FAM184B: variants seen among roughly 807,000 people sequenced by gnomAD.
FAM184B encodes the protein protein FAM184B.
FAM184B carries 111 observed loss-of-function variants against 135.9 expected under a neutral mutation model. The observed-to-expected ratio is 0.82, with a 90% CI of 0.70 to 0.96. FAM184B has a LOEUF of 0.96. FAM184B is among the 40% of genes least tolerant of loss of function. The pLI is 0.00. For synonymous variants in FAM184B, 552 were observed against 524.8 expected (o/e 1.05, Z -0.71); for missense variants, 1,375 against 1,323.9 (o/e 1.04, Z -0.60).
chr4:17,712,830 G>T (rs1717311625), intron 1 of FAM184B, among the ~76,000 whole-genome samples: 1 of 152,204 alleles, frequency 6.6e-6, no homozygotes, highest in Non-Finnish European at 1.5e-5. Context: ...GGCCAATCGG[G>T]AATAGTGTAT....
At chr4:17,648,470 C>T (rs533120347) in intron 11 of FAM184B, among the ~76,000 whole-genome samples, 10 of 151,736 alleles carry the variant, frequency 6.6e-5, no homozygotes, top group South Asian at 2.1e-4. Flanking sequence ...CCTTAGCCTC[C>T]GGAGTAGCTG....
chr4:17,643,206 T>G (rs562521744), intron 12 of FAM184B, among the ~76,000 whole-genome samples: 2 of 152,260 alleles, frequency 1.3e-5, no homozygotes, highest in East Asian at 1.9e-4. Flanking sequence ...GGGAGAGATA[T>G]GAGAATTAGA....
At position 17,632,043 on chromosome 4, in the gene FAM184B, ATTTTTTTTTTTTT is replaced by A. The variant is rs199549580; in HGVS notation, c.*476_*488del. On this transcript the variant is annotated 3_prime_UTR_variant, in exon 18 of 18. Transcript: ENST00000265018. ...TTTTAATAACACTGGTTTAATGTCA[ATTTTTTTTTTTTT>A]TTTTTTTTTTTTTTTTTTTTTTTTT... The A allele has an allele frequency of 2.2e-4, 26 of 117,604 alleles. No individual in the cohort carries two copies. Among genetic ancestry groups the A allele is most frequent in the African/African-American group, 5.1e-4 (15 of 29,334 alleles). 7.3% of individuals were successfully genotyped at this position (117,604 alleles called of 1,614,324 possible). A position where few individuals can be genotyped will look rare whatever the true frequency, so the allele number is the denominator to read the frequency against.
intron 1 of FAM184B, among the ~76,000 whole-genome samples, chr4:17,758,264 T>G (rs140693775): frequency 6.6e-6 from 1 of 152,354 alleles, no homozygotes; most frequent in East Asian, 1.9e-4. Context: ...CAAGCCTCCT[T>G]AAAGAGAATT....
At chr4:17,765,937 A>G (rs1477852298) in intron 1 of FAM184B, among the ~76,000 whole-genome samples, 1 of 152,132 alleles carries the variant, frequency 6.6e-6, no homozygotes, top group East Asian at 1.9e-4. Context: ...AAAGCAGCAC[A>G]TCTAGAATTA....
chr4:17,754,229 G>A (rs751045155), intron 1 of FAM184B, among the ~76,000 whole-genome samples: 13 of 151,236 alleles, frequency 8.6e-5, no homozygotes, highest in South Asian at 2.1e-4. Context: ...ATATACACCC[G>A]TGCACACATT....
intron 1 of FAM184B, among the ~76,000 whole-genome samples, chr4:17,755,864 C>T (rs1259110012): frequency 6.6e-6 from 1 of 152,104 alleles, no homozygotes; most frequent in African/African-American, 2.4e-5. Flanking sequence ...ATGATGAAAA[C>T]ACATGGACAC....
At position 17,636,622 on chromosome 4, in the gene FAM184B, G is replaced by A. The variant is rs550537049; in HGVS notation, c.2690C>T (p.Pro897Leu). The change falls in exon 15 of 18, where the codon CCA (proline) becomes CTA (leucine). Residue 897 changes from proline to leucine, a missense_variant. Transcript: ENST00000265018. ...EAELKDSGEK[P>L]GKGASRPEDL... ...CTCGGGCCTGGACGCTCCCTTCCCT[G>A]GCTTCTCTCCGGAATCTTTCAGTCT... is the stretch of plus-strand genomic sequence containing the variant. 3.2e-6 allele frequency: 5 copies of A among 1,550,280 alleles called. No homozygotes were observed. In the African/African-American group the frequency reaches 6.8e-5, roughly 21 times the overall value.
chr4:17,770,409 A>G (rs1480037863), intron 1 of FAM184B, among the ~76,000 whole-genome samples: 1 of 151,686 alleles, frequency 6.6e-6, no homozygotes, highest in African/African-American at 2.4e-5. Context: ...TTTATGAGGT[A>G]AAGTCACCAG....
Position 17,631,331 on chromosome 4 carries a change from CTAAT to C in FAM184B, c.*1197_*1200del, listed in dbSNP as rs112808615. 9,860 of 152,108 alleles carry C rather than the reference CTAAT, an allele frequency of 0.065. 1,085 individuals are homozygous for C. Among genetic ancestry groups the C allele is most frequent in the African/African-American group, 0.23 (9,359 of 41,370 alleles). The allele number at this position is 152,108 out of a possible 1,614,324, so 9.4% of individuals were successfully genotyped here. On this transcript the variant is annotated 3_prime_UTR_variant, in exon 18 of 18. Coordinates refer to ENST00000265018, the MANE Select transcript of FAM184B (RefSeq NM_015688.2). ...TCCAAGTAGCTGGGTTTTCTTTGGG[CTAAT>C]TATTTTTTTGTAGAGATGGAGGTCT...
chr4:17,779,542 G>A lies in FAM184B; in HGVS notation c.141+1617C>T, dbSNP rs1718994350. Among the ~76,000 whole-genome samples, 3 of 152,144 alleles carry A rather than the reference G, an allele frequency of 2.0e-5. No individual in the cohort carries two copies. The East Asian group carries it at 5.8e-4, about 29-fold the overall frequency. On this transcript the variant is annotated intron_variant, in intron 1 of 17. Transcript: ENST00000265018. Reference sequence around the variant, plus strand: ...ATAAATATTAATGAGTGGAATGATTGCTATTTTATATTGAAATGATCTGTT... The same window carrying A: ...ATAAATATTAATGAGTGGAATGATTACTATTTTATATTGAAATGATCTGTT...
chr4:17,642,172 G>C lies in FAM184B; in HGVS notation c.2403C>G (p.Ser801=), dbSNP rs780138184. 69 of 1,532,258 alleles carry C rather than the reference G, an allele frequency of 4.5e-5. No individual in the cohort carries two copies. Among genetic ancestry groups the C allele is most frequent in the Non-Finnish European group, 5.9e-5 (67 of 1,145,244 alleles). 94.9% of individuals were successfully genotyped at this position (1,532,258 alleles called of 1,614,324 possible). A position where few individuals can be genotyped will look rare whatever the true frequency, so the allele number is the denominator to read the frequency against. The change falls in exon 13 of 18, where the codon TCC becomes TCG. Residue 801 remains serine (S), a synonymous_variant. Coordinates refer to ENST00000265018, the MANE Select transcript of FAM184B (RefSeq NM_015688.2). The stretch of plus-strand genomic sequence containing the variant: ...CCTCCCAGAGCCCGCATCCCTCGCC[G>C]GAACCCTGCCCAGCAGCGCCCGGTG... The part of the protein sequence containing the change: ...GSPPGAAGQG[S]GEGCGLWEEN...
intron 5 of FAM184B, 54 bp from the exon 6 acceptor site, chr4:17,693,466 A>G: frequency 1.5e-6 from 2 of 1,322,536 alleles, no homozygotes; most frequent in Admixed American, 4.0e-5. Flanking sequence ...AGGACACTTA[A>G]TGTTTTCACA....
chr4:17,726,132 G>A (rs988024593), intron 1 of FAM184B, among the ~76,000 whole-genome samples: 2 of 151,986 alleles, frequency 1.3e-5, no homozygotes, highest in African/African-American at 2.4e-5. Context: ...CACTGTGTTA[G>A]CCAGGATGGT....
intron 1 of FAM184B, among the ~76,000 whole-genome samples, chr4:17,710,862 A>G (rs1443808089): frequency 6.6e-6 from 1 of 152,210 alleles, no homozygotes; most frequent in Non-Finnish European, 1.5e-5. Context: ...TAATTTGGAC[A>G]TAGTAAGTTT....
At chr4:17,707,918 G>A in intron 2 of FAM184B, 134 bp from the exon 3 acceptor site, 1 of 939,700 alleles carries the variant, frequency 1.1e-6, no homozygotes, top group South Asian at 1.8e-5. Context: ...GAATTCAGTG[G>A]CCCAGGGCTC....
intron 1 of FAM184B, among the ~76,000 whole-genome samples, chr4:17,777,786 G>A (rs1577299846): frequency 6.6e-6 from 1 of 152,140 alleles, no homozygotes; most frequent in Non-Finnish European, 1.5e-5. Flanking sequence ...AAGCAATATT[G>A]CAAGAGAAAA....
chr4:17,697,382 C>T (rs1391271076), intron 5 of FAM184B, among the ~76,000 whole-genome samples: 1 of 150,974 alleles, frequency 6.6e-6, no homozygotes, highest in Non-Finnish European at 1.5e-5. Flanking sequence ...AGCATTTTTC[C>T]TGGGGTCAGT....
At chr4:17,711,846 C>G (rs1162364238) in intron 1 of FAM184B, among the ~76,000 whole-genome samples, 2 of 152,116 alleles carry the variant, frequency 1.3e-5, no homozygotes, top group African/African-American at 2.4e-5. Flanking sequence ...AATGAGGGAG[C>G]TCTCACCTTG....
Sources: allele counts gnomAD v4.1 joint callset (sites outside exome capture counted in the v4.1 genomes callset), GRCh38; gene constraint gnomAD v4.1.1; transcripts MANE v1.5; gene names NCBI Gene and HGNC (gene_info 2026-07-23, HGNC 2026-07-21).